SMYD3: variants seen among roughly 807,000 people sequenced by gnomAD.
SMYD3 encodes histone-lysine N-methyltransferase SMYD3.
In SMYD3, 36 loss-of-function variants were observed where a neutral mutation model predicts 57.7. The observed-to-expected ratio is 0.62, with a 90% CI of 0.48 to 0.82. The LOEUF is 0.82. Among genes scored for constraint, SMYD3 ranks in the 40% least tolerant of loss-of-function variants. The probability of loss-of-function intolerance (pLI) is 0.00; values close to 1 mark genes in which losing one functional copy is unlikely to be tolerated. For missense variants in SMYD3, 515 were observed against 538.8 expected, an observed-to-expected ratio of 0.96 and a Z score of 0.44; for synonymous variants, 211 against 195.0, an observed-to-expected ratio of 1.08 and a Z score of -0.68.
chr1:246,323,508 C>T (rs1227374154), intron 5 of SMYD3, among the ~76,000 whole-genome samples: 25 of 149,926 alleles, frequency 1.7e-4, no homozygotes, highest in Admixed American at 1.6e-3. Context: ...GCCAACTTTT[C>T]AGGCAATAAT....
At chr1:246,195,188 A>C (rs1171544446) in intron 5 of SMYD3, among the ~76,000 whole-genome samples, 2 of 152,236 alleles carry the variant, frequency 1.3e-5, no homozygotes, top group Non-Finnish European at 2.9e-5. Flanking sequence ...GACAAAACTA[A>C]GTTTATGCTA....
intron 1 of SMYD3, among the ~76,000 whole-genome samples, chr1:246,438,379 A>G (rs1054818716): frequency 4.6e-5 from 7 of 152,216 alleles, no homozygotes; most frequent in African/African-American, 1.7e-4. Flanking sequence ...TAAATTTTCA[A>G]CCATCAAGAG....
At chr1:246,152,233 T>C (rs982700075) in intron 5 of SMYD3, among the ~76,000 whole-genome samples, 5 of 152,126 alleles carry the variant, frequency 3.3e-5, no homozygotes, top group African/African-American at 9.7e-5. Flanking sequence ...CTGGGACACC[T>C]GGCGTCTGGA....
At chr1:245,914,234 T>C (rs1329726731) in intron 8 of SMYD3, among the ~76,000 whole-genome samples, 2 of 152,160 alleles carry the variant, frequency 1.3e-5, no homozygotes, top group Non-Finnish European at 2.9e-5. Context: ...AAACTAAAAA[T>C]AGAACTACCA....
intron 1 of SMYD3, among the ~76,000 whole-genome samples, chr1:246,489,472 T>A (rs1025780741): frequency 6.6e-6 from 1 of 152,214 alleles, no homozygotes; most frequent in African/African-American, 2.4e-5. Context: ...CCCTATTTTA[T>A]GAATGAGAAA....
chr1:246,099,045 T>C (rs2060964430), intron 5 of SMYD3, among the ~76,000 whole-genome samples: 1 of 152,214 alleles, frequency 6.6e-6, no homozygotes, highest in Admixed American at 6.5e-5. Flanking sequence ...TCTCCATCTT[T>C]AAATAATGCT....
chr1:246,194,356 C>T (rs903194116), intron 5 of SMYD3, among the ~76,000 whole-genome samples: 4 of 151,952 alleles, frequency 2.6e-5, no homozygotes, highest in Non-Finnish European at 5.9e-5. Context: ...CAACCTCCCA[C>T]CTCCTGGGTT....
At chr1:246,361,587 T>C (rs1199070395) in intron 1 of SMYD3, among the ~76,000 whole-genome samples, 1 of 152,162 alleles carries the variant, frequency 6.6e-6, no homozygotes, top group East Asian at 1.9e-4. Context: ...ATGTGGTATA[T>C]ATATACACCA....
intron 5 of SMYD3, among the ~76,000 whole-genome samples, chr1:246,045,702 G>C (rs1398643879): frequency 2.0e-5 from 3 of 152,128 alleles, no homozygotes; most frequent in Non-Finnish European, 4.4e-5. Flanking sequence ...GCAACCTACA[G>C]AATGGGAGAA....
intron 8 of SMYD3, among the ~76,000 whole-genome samples, chr1:245,898,969 GC>G (rs1446253321): frequency 1.3e-5 from 2 of 152,190 alleles, no homozygotes; most frequent in African/African-American, 2.4e-5. Context: ...TTAAGCTGCA[GC>G]TGATTACAAA....
intron 5 of SMYD3, among the ~76,000 whole-genome samples, chr1:246,012,658 A>C (rs2059304785): frequency 1.3e-5 from 2 of 150,694 alleles, no homozygotes; most frequent in African/African-American, 4.9e-5. Flanking sequence ...CCCCATACCC[A>C]CGCCCCTCCC....
At chr1:246,425,679 G>A (rs540292948) in intron 1 of SMYD3, among the ~76,000 whole-genome samples, 1 of 152,272 alleles carries the variant, frequency 6.6e-6, no homozygotes, top group African/African-American at 2.4e-5. Context: ...AATAGTTGCG[G>A]CCTGTTCATT....
intron 5 of SMYD3, among the ~76,000 whole-genome samples, chr1:245,933,230 T>C (rs924838759): frequency 2.0e-5 from 3 of 152,188 alleles, no homozygotes; most frequent in Non-Finnish European, 2.9e-5. Context: ...ATTGCACAGG[T>C]TAAAACAATT....
Position 246,368,229 on chromosome 1 carries a change from T to C in SMYD3, c.165-13135A>G, listed in dbSNP as rs191862630. ...AATTTTTAAGAAGTGGGGCGTGAAA[T>C]TAATTGAGTCACTCAAATCTCAACT... On this transcript the variant is annotated intron_variant, in intron 1 of 11. Transcript: ENST00000490107. Among the ~76,000 whole-genome samples, 331 of 152,276 alleles carry C rather than the reference T, an allele frequency of 2.2e-3. 2 individuals carry two copies. Among genetic ancestry groups the C allele is most frequent in the Non-Finnish European group, 3.4e-3 (232 of 68,022 alleles).
In SMYD3 at chr1:245,809,730, A is replaced by G. The variant is rs1029132540; in HGVS notation, c.1077-45581T>C. ...ACAAAAAGGGGACAATGAAAAGAGG[A>G]TCCTGGCCAGGCCAGCACAGAGGAG... is the stretch of plus-strand genomic sequence containing the variant. On this transcript the variant is annotated intron_variant, in intron 10 of 11. Coordinates refer to ENST00000490107, the MANE Select transcript of SMYD3 (RefSeq NM_001167740.2). Among the ~76,000 whole-genome samples the G allele has an allele frequency of 5.3e-5, 8 of 152,222 alleles. No individual in the cohort carries two copies. In the South Asian group the frequency reaches 8.3e-4, roughly 16 times the overall value.
At chr1:246,300,634 C>T (rs2064878073) in intron 5 of SMYD3, among the ~76,000 whole-genome samples, 1 of 152,124 alleles carries the variant, frequency 6.6e-6, no homozygotes, top group South Asian at 2.1e-4. Context: ...GGTTAAGGAT[C>T]AGTTCTACCA....
intron 5 of SMYD3, among the ~76,000 whole-genome samples, chr1:245,941,951 C>A (rs930306846): frequency 6.6e-6 from 1 of 152,152 alleles, no homozygotes; most frequent in South Asian, 2.1e-4. Flanking sequence ...CACCACCAGG[C>A]CTACCTTGCA....
intron 2 of SMYD3, among the ~76,000 whole-genome samples, chr1:246,347,500 T>C (rs2065742278): frequency 6.6e-6 from 1 of 152,244 alleles, no homozygotes; most frequent in African/African-American, 2.4e-5. Context: ...ATGGTTTCAG[T>C]AATATGTCAT....
At chr1:245,778,628 C>T (rs1207409252) in intron 10 of SMYD3, among the ~76,000 whole-genome samples, 4 of 152,052 alleles carry the variant, frequency 2.6e-5, no homozygotes, top group Admixed American at 1.3e-4. Flanking sequence ...GGAAGAAAAA[C>T]GAACTTCAAC....
Sources: allele counts gnomAD v4.1 joint callset (sites outside exome capture counted in the v4.1 genomes callset), GRCh38; gene constraint gnomAD v4.1.1; transcripts MANE v1.5; gene names NCBI Gene and HGNC (gene_info 2026-07-23, HGNC 2026-07-21).